GGA3: variants seen among roughly 807,000 people sequenced by gnomAD.
GGA3 encodes ADP-ribosylation factor-binding protein GGA3.
GGA3 carries 57 observed loss-of-function variants against 77.5 expected under a neutral mutation model. That is an observed-to-expected ratio of 0.74 (90% CI 0.59 to 0.92). The LOEUF is 0.92. Among genes scored for constraint, GGA3 ranks in the 40% least tolerant of loss-of-function variants. The probability of loss-of-function intolerance (pLI) is 0.00; values close to 1 mark genes in which losing one functional copy is unlikely to be tolerated. For synonymous variants in GGA3, 416 were observed against 383.7 expected (o/e 1.08, Z -0.98); for missense variants, 970 against 914.9 (o/e 1.06, Z -0.78).
In GGA3 at chr17:75,244,823, C is replaced by T. The variant is rs558936072; in HGVS notation, c.202-106G>A. The stretch of plus-strand genomic sequence containing the variant: ...AGAGAGTACTGAATAAACACGCCCA[C>T]AGGAAGGAGCTCATCACGAAAAGCA... On this transcript the variant is annotated intron_variant, in intron 3 of 16. Coordinates refer to ENST00000537686, the MANE Select transcript of GGA3 (RefSeq NM_138619.4). 72 of 736,700 alleles carry T rather than the reference C, an allele frequency of 9.8e-5. 1 individual carries two copies. In the Admixed American group the frequency reaches 1.5e-3, roughly 15 times the overall value. The allele number at this position is 736,700 out of a possible 1,614,324, so 45.6% of individuals were successfully genotyped here.
intron 1 of GGA3, among the ~76,000 whole-genome samples, chr17:75,251,255 T>G (rs1353627164): frequency 6.6e-6 from 1 of 151,632 alleles, no homozygotes; most frequent in Non-Finnish European, 1.5e-5. Context: ...CATGTCAGCA[T>G]GCCAGACCCT....
chr17:75,244,751 G>T (rs960100085), intron 3 of GGA3, 34 bp from the exon 4 acceptor site: 31 of 1,470,158 alleles, frequency 2.1e-5, no homozygotes, highest in Non-Finnish European at 2.9e-5. Flanking sequence ...GCTCAGTGAG[G>T]GCGTGCTCGG....
rs894095605 is a variant in GGA3 at position 75,236,844 on chromosome 17, C to A, written c.*1435G>T. 6.5e-6 allele frequency: 1 copy of A among 153,646 alleles called. No individual in the cohort carries two copies. The highest frequency in any genetic ancestry group is 1.5e-5 in the Non-Finnish European group (1 of 68,852). The allele number at this position is 153,646 out of a possible 1,614,324, so 9.5% of individuals were successfully genotyped here. On this transcript the variant is annotated 3_prime_UTR_variant, in exon 17 of 17. Transcript: ENST00000537686. ...ATTCCTTAAGTAGTGAAAAATGATT[C>A]ACTTTTGACTTGTCCTCTTCTAATG...
In GGA3 at chr17:75,238,925, C is replaced by T. The variant is rs751168174; in HGVS notation, c.1939G>A (p.Ala647Thr). ...LPVKSIVLQA[A>T]VPKSMKVKLQ... The stretch of plus-strand genomic sequence containing the variant: ...GGAGACACTGGTACCTTGGGCACTG[C>T]AGCCTGCAGCACGATGCTCTTGACA... The change falls in exon 15 of 17, where the codon GCA becomes ACA. Residue 647 changes from alanine to threonine, a missense_variant. Physicochemically the swap from Ala to Thr is moderately conservative, Grantham distance 58. Coordinates refer to ENST00000537686, the MANE Select transcript of GGA3 (RefSeq NM_138619.4). 1.2e-6 allele frequency: 2 copies of T among 1,613,842 alleles called. No individual in the cohort carries two copies. The highest frequency in any genetic ancestry group is 4.5e-5 in the East Asian group (2 of 44,874).
In GGA3 at chr17:75,240,385, G is replaced by A. The variant is rs763980908; in HGVS notation, c.1220C>T (p.Pro407Leu). 3 of 1,600,584 alleles carry A rather than the reference G, an allele frequency of 1.9e-6. No homozygotes were observed. The East Asian group carries it at 6.7e-5, about 36-fold the overall frequency. Reference protein sequence around the residue: ...LGLADPAPNVPPKESAGNSQW... With the variant: ...LGLADPAPNVLPKESAGNSQW... The stretch of plus-strand genomic sequence containing the variant: ...GCTGTTCCCAGCTGACTCTTTGGGA[G>A]GAACATTAGGGGCTGGGTCGGCGAG... Residue 407 changes from proline to leucine, a missense_variant, in exon 12 of 17, where the codon CCT becomes CTT. Transcript: ENST00000537686.
At chr17:75,244,035 G>A (rs1044216485) in intron 4 of GGA3, among the ~76,000 whole-genome samples, 3 of 152,122 alleles carry the variant, frequency 2.0e-5, no homozygotes, top group African/African-American at 7.2e-5. Flanking sequence ...GCTTCCTTGT[G>A]ACCCTGATGC....
chr17:75,245,773 A>C (rs1479119838), intron 3 of GGA3, among the ~76,000 whole-genome samples: 2 of 151,906 alleles, frequency 1.3e-5, no homozygotes, highest in African/African-American at 4.9e-5. Context: ...CTCCCGGCCT[A>C]GGCCCCACAG....
rs201164462 is a variant in GGA3, at chr17:75,241,579, G to A, written c.829+36C>T. 5.9e-5 allele frequency: 94 copies of A among 1,605,312 alleles called. No individual in the cohort carries two copies. In the East Asian group the frequency reaches 1.9e-3, roughly 32 times the overall value. ...ACAGTTCCCACCCACATATCCAAAT[G>A]CCTGGCTTATCCCTGACCGTCGCTC... is the stretch of plus-strand genomic sequence containing the variant. On this transcript the variant is annotated intron_variant, in intron 9 of 16. Coordinates refer to ENST00000537686, the MANE Select transcript of GGA3 (RefSeq NM_138619.4).
At chr17:75,250,367 C>T (rs986065544) in intron 1 of GGA3, among the ~76,000 whole-genome samples, 1 of 152,204 alleles carries the variant, frequency 6.6e-6, no homozygotes, top group East Asian at 1.9e-4. Flanking sequence ...TTCACTCCAT[C>T]GCTAGCCTAC....
At chr17:75,257,132 T>C (rs1024350479) in intron 1 of GGA3, among the ~76,000 whole-genome samples, 19 of 152,250 alleles carry the variant, frequency 1.2e-4, no homozygotes, top group African/African-American at 4.3e-4. Context: ...TAAAAAGGAC[T>C]GGACAATACT....
In GGA3 at chr17:75,243,571, C is replaced by G. The variant is rs961361133; in HGVS notation, c.301-1G>C. On this transcript the variant is annotated splice_acceptor_variant, in intron 4 of 16. Transcript: ENST00000537686. LOFTEE classifies it high-confidence loss of function. ...TCTCAGACACCCTGTCCCCCAGGTA[C>G]TACATGGCAAAAGAAAATGAGGACC... The G allele has an allele frequency of 6.2e-7, 1 of 1,613,856 alleles. No homozygotes were observed. The highest frequency in any genetic ancestry group is 1.3e-5 in the African/African-American group (1 of 75,062).
chr17:75,260,462 T>C (rs554210703), intron 1 of GGA3, among the ~76,000 whole-genome samples: 9 of 152,368 alleles, frequency 5.9e-5, no homozygotes, highest in African/African-American at 2.2e-4. Flanking sequence ...TGCCTGCAAC[T>C]GCAGATTTTG....
chr17:75,249,673 TC>T (rs1322002970), intron 1 of GGA3, among the ~76,000 whole-genome samples: 1 of 152,038 alleles, frequency 6.6e-6, no homozygotes, highest in Non-Finnish European at 1.5e-5. Context: ...GCAATCCCCA[TC>T]CCCCAGGGCT....
At chr17:75,259,753 G>A (rs955019041) in intron 1 of GGA3, among the ~76,000 whole-genome samples, 2 of 125,780 alleles carry the variant, frequency 1.6e-5, no homozygotes, top group Admixed American at 1.7e-4. Context: ...CTGCTGGTTT[G>A]TTCAACTGGT....
intron 8 of GGA3, 66 bp downstream of exon 8, chr17:75,242,270 A>T: frequency 6.4e-7 from 1 of 1,567,380 alleles, no homozygotes; most frequent in Non-Finnish European, 8.8e-7. Flanking sequence ...TGCTCAGCAA[A>T]TGCTGGCTGA....
chr17:75,241,484 G>A lies in GGA3; in HGVS notation c.862C>T (p.Arg288Trp), dbSNP rs754876742. 33 of 1,613,642 alleles carry A rather than the reference G, an allele frequency of 2.0e-5. No homozygotes were observed. The highest frequency in any genetic ancestry group is 4.5e-5 in the East Asian group (2 of 44,888). ...ATTGTTTTGTAAGAGTTGATGACCC[G>A]GGAGAGGTTGTCACTGGCTTGCAGG... is the stretch of plus-strand genomic sequence containing the variant. ...DILQASDNLSRVINSYKTIIE... is the reference protein window; with the variant it reads ...DILQASDNLSWVINSYKTIIE... The change falls in exon 10 of 17, where the codon CGG (arginine) becomes TGG (tryptophan). Residue 288 changes from arginine to tryptophan, a missense_variant. Transcript: ENST00000537686.
chr17:75,248,920 G>A, intron 1 of GGA3: 2 of 985,110 alleles, frequency 2.0e-6, no homozygotes, highest in South Asian at 9.4e-5. Flanking sequence ...AGCGACAGCT[G>A]CCAGGCAGAG....
intron 1 of GGA3, among the ~76,000 whole-genome samples, chr17:75,248,465 T>A (rs2076832346): frequency 6.9e-4 from 2 of 2,892 alleles, no homozygotes; most frequent in Non-Finnish European, 0.017. Context: ...CGAGACTCCG[T>A]CTCAAAAAAA....
chr17:75,239,099 G>A lies in GGA3; in HGVS notation c.1781-16C>T, dbSNP rs753609030. Reference sequence around the variant, plus strand: ...AGGGCACTGCCTGTAAGAACGTGACGTGAGTGTGGGAGGAGCAGCACCAGA... The same window carrying A: ...AGGGCACTGCCTGTAAGAACGTGACATGAGTGTGGGAGGAGCAGCACCAGA... On this transcript the variant is annotated splice_polypyrimidine_tract_variant and intron_variant, in intron 14 of 16. Transcript: ENST00000537686. The A allele has an allele frequency of 1.9e-5, 31 of 1,608,670 alleles. No homozygotes were observed. Among genetic ancestry groups the A allele is most frequent in the African/African-American group, 2.7e-5 (2 of 74,866 alleles).
Sources: gnomAD v4.1 joint callset for allele counts (sites outside exome capture counted in the v4.1 genomes callset) on GRCh38, gnomAD v4.1.1 for gene constraint, MANE v1.5 for transcripts, NCBI Gene and HGNC (gene_info 2026-07-23, HGNC 2026-07-21) for gene names.